CDH13: variants seen among roughly 807,000 people sequenced by gnomAD.
The protein encoded by CDH13 is cadherin 13, also known as cadherin-13.
Under a neutral mutation model 63.8 loss-of-function variants are expected in CDH13, and 24 were observed. The ratio of observed to expected loss-of-function variants is 0.38; its 90% confidence interval spans 0.27 to 0.53. CDH13 has a LOEUF of 0.53. Ranked by LOEUF, CDH13 falls within the 20% of genes least tolerant of loss-of-function variation. The pLI, the probability that CDH13 is intolerant of heterozygous loss-of-function variation, is 0.85. For missense variants in CDH13, 1,049 were observed against 903.1 expected (o/e 1.16, Z -2.07); for synonymous variants, 503 against 355.3 (o/e 1.42, Z -4.67).
Position 82,834,164 on chromosome 16 carries a change from G to A in CDH13, c.46-24198G>A, listed in dbSNP as rs372847798. ...CTTGATGCACTAAAGGCAAACTACC[G>A]GACCCTGGGAGATCCATTTCTTCTC... On this transcript the variant is annotated intron_variant, in intron 1 of 13. Coordinates refer to ENST00000567109, the MANE Select transcript of CDH13 (RefSeq NM_001257.5). Among the ~76,000 whole-genome samples, 6 of 152,140 alleles carry A rather than the reference G, an allele frequency of 3.9e-5. No homozygotes were observed. In the South Asian group the frequency reaches 6.2e-4, roughly 16 times the overall value.
At chr16:82,752,691 G>A (rs1235538892) in intron 1 of CDH13, among the ~76,000 whole-genome samples, 2 of 152,202 alleles carry the variant, frequency 1.3e-5, no homozygotes, top group South Asian at 2.1e-4. Context: ...TCGTTCCAAA[G>A]GGCCAGAACC....
At chr16:83,346,076 C>G (rs754653378) in intron 6 of CDH13, among the ~76,000 whole-genome samples, 7 of 152,218 alleles carry the variant, frequency 4.6e-5, no homozygotes, top group African/African-American at 7.2e-5. Flanking sequence ...TCTTTATGCA[C>G]TGCATCAGAT....
At chr16:83,045,354 G>A (rs28589962) in intron 3 of CDH13, among the ~76,000 whole-genome samples, 18,601 of 152,060 alleles carry the variant, frequency 0.12, 1,328 homozygotes, top group African/African-American at 0.2. Flanking sequence ...TAAGAGATGG[G>A]TTGGCTGGGG....
chr16:83,231,607 C>T (rs990047181), intron 5 of CDH13, among the ~76,000 whole-genome samples: 4 of 152,090 alleles, frequency 2.6e-5, no homozygotes, highest in African/African-American at 9.7e-5. Flanking sequence ...GGCCTGCAGG[C>T]CCACTCCATT....
Position 82,815,089 on chromosome 16 carries a change from A to C in CDH13, c.46-43273A>C, listed in dbSNP as rs556785237. Among the ~76,000 whole-genome samples the C allele has an allele frequency of 9.2e-5, 14 of 152,122 alleles. No homozygotes were observed. The South Asian group carries it at 1.5e-3, about 16-fold the overall frequency. On this transcript the variant is annotated intron_variant, in intron 1 of 13. Transcript: ENST00000567109. ...ATTCATTTCTTTTTTCTTATCCATT[A>C]TACCGTAGGCTCAGCTGAAAACATC... is the stretch of plus-strand genomic sequence containing the variant.
intron 6 of CDH13, among the ~76,000 whole-genome samples, chr16:83,388,068 C>G (rs1406089541): frequency 6.6e-6 from 1 of 152,034 alleles, no homozygotes; most frequent in Non-Finnish European, 1.5e-5. Context: ...CTGACAGAGA[C>G]CAAGAATCCG....
intron 1 of CDH13, among the ~76,000 whole-genome samples, chr16:82,846,406 C>G (rs2039258862): frequency 6.6e-6 from 1 of 152,004 alleles, no homozygotes; most frequent in Non-Finnish European, 1.5e-5. Context: ...TAGCACATAA[C>G]ACCTACTGTG....
Position 83,276,058 on chromosome 16 carries a change from A to G in CDH13, c.636+58561A>G, listed in dbSNP as rs550855163. Among the ~76,000 whole-genome samples the G allele has an allele frequency of 2.6e-5, 4 of 152,322 alleles. No individual in the cohort carries two copies. The South Asian group carries it at 8.3e-4, about 32-fold the overall frequency. On this transcript the variant is annotated intron_variant, in intron 5 of 13. Coordinates refer to ENST00000567109, the MANE Select transcript of CDH13 (RefSeq NM_001257.5). The stretch of plus-strand genomic sequence containing the variant: ...AATTAGAACCTGAACACCTAGGCCA[A>G]GACTGATTTACAGGATCATAGCACA...
chr16:82,828,973 C>A (rs1022021586), intron 1 of CDH13, among the ~76,000 whole-genome samples: 1 of 152,074 alleles, frequency 6.6e-6, no homozygotes, highest in Non-Finnish European at 1.5e-5. Flanking sequence ...CCAGAGACTT[C>A]CACAGTGAAC....
intron 6 of CDH13, among the ~76,000 whole-genome samples, chr16:83,463,871 G>A (rs2073242302): frequency 6.6e-6 from 1 of 152,184 alleles, no homozygotes; most frequent in Non-Finnish European, 1.5e-5. Context: ...TAAGTCACAG[G>A]GCCACTCGTA....
chr16:82,909,080 T>C (rs989965630), intron 2 of CDH13, among the ~76,000 whole-genome samples: 1 of 152,220 alleles, frequency 6.6e-6, no homozygotes, highest in South Asian at 2.1e-4. Context: ...TCTAGATTAC[T>C]TATGATATGT....
At chr16:83,087,834 C>T (rs1166583709) in intron 3 of CDH13, among the ~76,000 whole-genome samples, 1 of 152,042 alleles carries the variant, frequency 6.6e-6, no homozygotes, top group Admixed American at 6.5e-5. Flanking sequence ...GTGCTAATTA[C>T]AAATGGGTCT....
chr16:83,637,031 T>C (rs1911325794), intron 8 of CDH13, among the ~76,000 whole-genome samples: 1 of 152,222 alleles, frequency 6.6e-6, no homozygotes, highest in African/African-American at 2.4e-5. Flanking sequence ...CATTTTTTCA[T>C]TTGTGAATTG....
At chr16:83,170,308 T>C (rs1185109792) in intron 4 of CDH13, among the ~76,000 whole-genome samples, 1 of 152,112 alleles carries the variant, frequency 6.6e-6, no homozygotes, top group African/African-American at 2.4e-5. Flanking sequence ...ACCCTACTTG[T>C]TTTCTCAAAG....
intron 1 of CDH13, among the ~76,000 whole-genome samples, chr16:82,836,818 C>T (rs2038789153): frequency 6.6e-6 from 1 of 152,192 alleles, no homozygotes; most frequent in Non-Finnish European, 1.5e-5. Context: ...TTCTAATCTG[C>T]ATTTTCATAA....
At position 83,150,351 on chromosome 16, in the gene CDH13, A is replaced by G. The variant is rs532217169; in HGVS notation, c.483+24850A>G. On this transcript the variant is annotated intron_variant, in intron 4 of 13. Transcript: ENST00000567109. ...TATGCCTATGCCTATATCTGTGTCT[A>G]TATCTCCCTATCCCTACCCACTTTT... Among the ~76,000 whole-genome samples the G allele has an allele frequency of 7.2e-5, 11 of 152,146 alleles. 1 individual carries two copies. The South Asian group carries it at 1.2e-3, about 17-fold the overall frequency.
intron 1 of CDH13, among the ~76,000 whole-genome samples, chr16:82,667,750 C>G (rs576058451): frequency 2.0e-5 from 3 of 152,180 alleles, no homozygotes; most frequent in South Asian, 4.2e-4. Context: ...CCCGCCTCTC[C>G]CCTTCTGAGC....
chr16:83,198,334 C>T (rs796724035), intron 4 of CDH13, among the ~76,000 whole-genome samples: 2 of 151,800 alleles, frequency 1.3e-5, no homozygotes, highest in African/African-American at 2.4e-5. Flanking sequence ...CACACACACA[C>T]ACACACACAC....
In CDH13 at chr16:82,745,820, C is replaced by T. The variant is rs74030813; in HGVS notation, c.46-112542C>T. Among the ~76,000 whole-genome samples, 643 of 152,120 alleles carry T rather than the reference C, an allele frequency of 4.2e-3. 4 individuals are homozygous for T. Among genetic ancestry groups the T allele is most frequent in the African/African-American group, 0.015 (623 of 41,500 alleles). On this transcript the variant is annotated intron_variant, in intron 1 of 13. Transcript: ENST00000567109. ...TGAATATTTAGCTTGTTCTTTTAGT[C>T]CCCTCCAGTTTGACACTGCAAACAC...
Sources: gnomAD v4.1 joint callset for allele counts (sites outside exome capture counted in the v4.1 genomes callset) on GRCh38, gnomAD v4.1.1 for gene constraint, MANE v1.5 for transcripts, NCBI Gene and HGNC (gene_info 2026-07-23, HGNC 2026-07-21) for gene names.